The following MACROH2A2 variants were observed in gnomAD, a reference collection of about 807,000 sequenced individuals.
MACROH2A2 encodes the protein macroH2A.2 histone, also known as core histone macro-H2A.2.
In MACROH2A2, 6 loss-of-function variants were observed where a neutral mutation model predicts 37.6. The observed-to-expected ratio is 0.16, with a 90% CI of 0.09 to 0.32. The LOEUF (loss-of-function observed/expected upper bound fraction) is 0.32, where lower values mean the gene tolerates loss of function less well. MACROH2A2 is among the 10% of genes least tolerant of loss of function. The pLI is 1.00. For synonymous variants in MACROH2A2, 192 were observed against 202.7 expected (o/e 0.95, Z 0.45); for missense variants, 290 against 485.9 (o/e 0.60, Z 3.79).
intron 1 of MACROH2A2, among the ~76,000 whole-genome samples, chr10:70,057,325 A>G (rs1309917771): frequency 9.4e-6 from 1 of 106,158 alleles, no homozygotes; most frequent in Admixed American, 1.5e-4. Context: ...CTTCCAAGCC[A>G]TTCCTTTCAT....
At chr10:70,071,990 A>T (rs1564541873) in intron 1 of MACROH2A2, among the ~76,000 whole-genome samples, 1 of 152,190 alleles carries the variant, frequency 6.6e-6, no homozygotes, top group South Asian at 2.1e-4. Flanking sequence ...ATTTTCCTTA[A>T]TAATAAATTA....
chr10:70,067,567 G>A (rs1321141335), intron 1 of MACROH2A2, among the ~76,000 whole-genome samples: 1 of 152,136 alleles, frequency 6.6e-6, no homozygotes, highest in Non-Finnish European at 1.5e-5. Flanking sequence ...CATGTAAATG[G>A]AGTTTAACTT....
chr10:70,095,529 A>C, intron 5 of MACROH2A2, 125 bp from the exon 6 acceptor site: 2 of 610,998 alleles, frequency 3.3e-6, no homozygotes, highest in Non-Finnish European at 5.9e-6. Flanking sequence ...GTCACTCTCT[A>C]TGCAGCCCCT....
chr10:70,095,963 G>A (rs746185164), intron 6 of MACROH2A2, among the ~76,000 whole-genome samples: 1 of 152,150 alleles, frequency 6.6e-6, no homozygotes, highest in Non-Finnish European at 1.5e-5. Flanking sequence ...GGGGTATTGT[G>A]TAAAAGCAAA....
At chr10:70,087,950 A>C (rs2072221136) in intron 2 of MACROH2A2, among the ~76,000 whole-genome samples, 1 of 152,172 alleles carries the variant, frequency 6.6e-6, no homozygotes, top group South Asian at 2.1e-4. Flanking sequence ...ACTTATGTCA[A>C]GTTTTTGTGA....
rs115197321 is a variant in MACROH2A2, at chr10:70,080,368, G to A, written c.172+4538G>A. Among the ~76,000 whole-genome samples the A allele has an allele frequency of 7.2e-3, 1,100 of 152,208 alleles. 14 individuals carry two copies. The highest frequency in any genetic ancestry group is 0.025 in the African/African-American group (1,027 of 41,512). ...GAGAATGGTGCCTGTACCTGAAGTA[G>A]GGAGCAATGGATGAGAACCAGGCTG... On this transcript the variant is annotated intron_variant, in intron 2 of 8. Transcript: ENST00000373255.
chr10:70,111,248 AAC>A (rs1439123324), intron 8 of MACROH2A2, among the ~76,000 whole-genome samples: 1 of 152,178 alleles, frequency 6.6e-6, no homozygotes, highest in African/African-American at 2.4e-5. Flanking sequence ...CAGCCTGGGC[AAC>A]AGAGAGAGAC....
intron 3 of MACROH2A2, 41 bp downstream of exon 3, chr10:70,090,207 C>A: frequency 7.7e-7 from 1 of 1,304,372 alleles, no homozygotes; most frequent in Non-Finnish European, 1.1e-6. Context: ...AATGGGTTTG[C>A]CAAACATGCT....
chr10:70,053,314 C>T lies in MACROH2A2; in HGVS notation c.-60+314C>T, dbSNP rs191362096. ...AGGGATGCGAGGTTCAGCAGCGGGCCCCAGGCGAGGCTGGACCCGGAGGAA... is the reference window on the plus strand; with the variant it reads ...AGGGATGCGAGGTTCAGCAGCGGGCTCCAGGCGAGGCTGGACCCGGAGGAA... On this transcript the variant is annotated intron_variant, in intron 1 of 8. Coordinates refer to ENST00000373255, the MANE Select transcript of MACROH2A2 (RefSeq NM_018649.3). This position sits in a 1 kb window ranked among gnomAD's most constrained non-coding sequence, Gnocchi z 4.8. Among the ~76,000 whole-genome samples, 220 of 152,166 alleles carry T rather than the reference C, an allele frequency of 1.4e-3. No individual in the cohort carries two copies. The highest frequency in any genetic ancestry group is 2.8e-3 in the Non-Finnish European group (189 of 67,964).
At chr10:70,062,469 T>C (rs1233310786) in intron 1 of MACROH2A2, among the ~76,000 whole-genome samples, 3 of 152,250 alleles carry the variant, frequency 2.0e-5, no homozygotes, top group African/African-American at 7.2e-5. Flanking sequence ...GAAAACAATG[T>C]TTAAAGTTTT....
chr10:70,064,258 A>C (rs141059800), intron 1 of MACROH2A2, among the ~76,000 whole-genome samples: 1 of 152,286 alleles, frequency 6.6e-6, no homozygotes, highest in African/African-American at 2.4e-5. Context: ...AATCCCAGCT[A>C]CTCAGGAAGC....
At position 70,100,194 on chromosome 10, in the gene MACROH2A2, GCT is replaced by G; in HGVS notation, c.689-10_689-9del. ...AGAACAACCACAGTGGCTTCCCATT[GCT>G]CTCCTTTGCAGGTAAAGCCTTGGAA... On this transcript the variant is annotated splice_polypyrimidine_tract_variant and intron_variant, in intron 6 of 8. Coordinates refer to ENST00000373255, the MANE Select transcript of MACROH2A2 (RefSeq NM_018649.3). The G allele has an allele frequency of 1.4e-6, 2 of 1,474,014 alleles. No individual in the cohort carries two copies. The highest frequency in any genetic ancestry group is 1.9e-6 in the Non-Finnish European group (2 of 1,054,350). 91.3% of individuals were successfully genotyped at this position (1,474,014 alleles called of 1,614,324 possible). A position where few individuals can be genotyped will look rare whatever the true frequency, so the allele number is the denominator to read the frequency against.
chr10:70,093,945 A>T (rs946588612), intron 5 of MACROH2A2, 100 bp downstream of exon 5: 4 of 641,680 alleles, frequency 6.2e-6, no homozygotes, highest in Non-Finnish European at 5.7e-6. Context: ...CCTGATAATG[A>T]TTTTCACTGC....
intron 2 of MACROH2A2, among the ~76,000 whole-genome samples, chr10:70,078,499 A>G (rs1238779598): frequency 6.6e-6 from 1 of 152,212 alleles, no homozygotes; most frequent in Non-Finnish European, 1.5e-5. Context: ...GTGCAGGCTC[A>G]GATGTCGGTT....
chr10:70,075,615 G>T lies in MACROH2A2; in HGVS notation c.-44G>T, dbSNP rs200327343. On this transcript the variant is annotated 5_prime_UTR_variant, in exon 2 of 9. Coordinates refer to ENST00000373255, the MANE Select transcript of MACROH2A2 (RefSeq NM_018649.3). This position sits in a 1 kb window ranked among gnomAD's most constrained non-coding sequence, Gnocchi z 5.0. ...TCCTTTTTAGCATTGTGTTAGTGCCGGGAGGCCACTGTGTCAGCAAGCTGA... is the reference window on the plus strand; with the variant it reads ...TCCTTTTTAGCATTGTGTTAGTGCCTGGAGGCCACTGTGTCAGCAAGCTGA... The T allele has an allele frequency of 3.1e-6, 5 of 1,591,184 alleles. No individual in the cohort carries two copies. Among genetic ancestry groups the T allele is most frequent in the South Asian group, 1.1e-5 (1 of 90,206 alleles).
At position 70,091,953 on chromosome 10, in the gene MACROH2A2, A is replaced by C; in HGVS notation, c.476A>C (p.Lys159Thr). 1.9e-6 allele frequency: 3 copies of C among 1,612,346 alleles called. No homozygotes were observed. The highest frequency in any genetic ancestry group is 2.5e-6 in the Non-Finnish European group (3 of 1,179,348). ...SKAAKPRTSK[K>T]SKPKDSDKEG... ...GCTGCCAAACCACGGACGTCCAAAA[A>C]GGTAGGCCGAGGCTGCGTGTCCTGG... The change falls in exon 4 of 9, where the codon AAG becomes ACG. Residue 159 changes from lysine (K) to threonine (T), a missense_variant and splice_region_variant. Physicochemically the swap from Lys to Thr is moderately conservative, Grantham distance 78. Transcript: ENST00000373255.
At chr10:70,096,836 A>G (rs1361893983) in intron 6 of MACROH2A2, among the ~76,000 whole-genome samples, 2 of 152,148 alleles carry the variant, frequency 1.3e-5, no homozygotes, top group Non-Finnish European at 2.9e-5. Flanking sequence ...ATCAGAGGCC[A>G]CTTGCTGTGC....
rs1470231770 is a variant in MACROH2A2 at position 70,107,996 on chromosome 10, A to C, written c.779-1037A>C. On this transcript the variant is annotated intron_variant, in intron 7 of 8. Coordinates refer to ENST00000373255, the MANE Select transcript of MACROH2A2 (RefSeq NM_018649.3). This position sits in a 1 kb window ranked among gnomAD's most constrained non-coding sequence, Gnocchi z 4.4. ...CACTTTGGGTGCCTGAGGCAAGAGG[A>C]TCACTTGAGCCCTGGAGTTCAAGAC... 1.3e-5 allele frequency among the ~76,000 whole-genome samples: 2 copies of C among 152,156 alleles called. No individual in the cohort carries two copies. The highest frequency in any genetic ancestry group is 1.3e-4 in the Admixed American group (2 of 15,278).
intron 2 of MACROH2A2, among the ~76,000 whole-genome samples, chr10:70,079,565 GCACACACACA>G (rs56247035): frequency 2.8e-4 from 35 of 126,258 alleles, no homozygotes; most frequent in South Asian, 1.1e-3. Flanking sequence ...GCGCGCGCGC[GCACACACACA>G]CACACACACA....
Sources: allele counts gnomAD v4.1 joint callset (sites outside exome capture counted in the v4.1 genomes callset), GRCh38; gene constraint gnomAD v4.1.1; non-coding constraint Gnocchi (gnomAD v3.1); transcripts MANE v1.5; gene names NCBI Gene and HGNC (gene_info 2026-07-23, HGNC 2026-07-21).